The following ADAM32 variants were observed in gnomAD, a reference collection of about 807,000 sequenced individuals.
ADAM32 encodes ADAM metallopeptidase domain 32, also known as disintegrin and metalloproteinase domain-containing protein 32.
Under a neutral mutation model 114.9 loss-of-function variants are expected in ADAM32, and 89 were observed. That is an observed-to-expected ratio of 0.77 (90% CI 0.65 to 0.92). The LOEUF (loss-of-function observed/expected upper bound fraction) is 0.92, where lower values mean the gene tolerates loss of function less well. Among genes scored for constraint, ADAM32 ranks in the 40% least tolerant of loss-of-function variants. The pLI, the probability that ADAM32 is intolerant of heterozygous loss-of-function variation, is 0.00. For synonymous variants in ADAM32, 285 were observed against 307.5 expected, an observed-to-expected ratio of 0.93 and a Z score of 0.77; for missense variants, 870 against 932.8, an observed-to-expected ratio of 0.93 and a Z score of 0.88.
chr8:39,167,089 G>A (rs1407744577), intron 9 of ADAM32: 1 of 152,108 alleles, frequency 6.6e-6, no homozygotes, highest in Non-Finnish European at 1.5e-5. Context: ...TTGCTTTTGA[G>A]GTCTTTGTCG....
At chr8:39,273,474 A>G (rs1430135085) in intron 20 of ADAM32, among the ~76,000 whole-genome samples, 1 of 152,152 alleles carries the variant, frequency 6.6e-6, no homozygotes, top group Non-Finnish European at 1.5e-5. Flanking sequence ...TTGCAGTGAG[A>G]CAAGATCTCG....
At chr8:39,183,712 T>C (rs1471786499) in intron 10 of ADAM32, among the ~76,000 whole-genome samples, 4 of 152,220 alleles carry the variant, frequency 2.6e-5, no homozygotes, top group Admixed American at 6.5e-5. Flanking sequence ...CACAACTGAA[T>C]CTTTAGCCAG....
At chr8:39,278,234 C>G (rs1308599261) in intron 22 of ADAM32, among the ~76,000 whole-genome samples, 1 of 152,164 alleles carries the variant, frequency 6.6e-6, no homozygotes, top group Non-Finnish European at 1.5e-5. Context: ...GTCCAGCTGC[C>G]TCTCGTCTCT....
intron 11 of ADAM32, among the ~76,000 whole-genome samples, chr8:39,201,632 C>G (rs1807419228): frequency 6.6e-6 from 1 of 152,134 alleles, no homozygotes; most frequent in Non-Finnish European, 1.5e-5. Flanking sequence ...TTTCTCCTGC[C>G]TGATTGCCCT....
In ADAM32 at chr8:39,130,946, A is replaced by G; in HGVS notation, c.139-5711A>G. 4.8e-6 allele frequency: 2 copies of G among 415,506 alleles called. 1 individual carries two copies. The highest frequency in any genetic ancestry group is 3.5e-5 in the South Asian group (2 of 57,424). 25.7% of individuals were successfully genotyped at this position (415,506 alleles called of 1,614,324 possible). ...TCCCGGCATTTTGGGAGACTGAGGC[A>G]GGAGGATGTCTTTTTTTTTTTTTTT... On this transcript the variant is annotated intron_variant, in intron 2 of 24. Transcript: ENST00000379907.
Position 39,223,105 on chromosome 8 carries a change from TA to T in ADAM32, c.1394del (p.Asn465MetfsTer11). 1 of 1,594,420 alleles carries T rather than the reference TA, an allele frequency of 6.3e-7. No individual in the cohort carries two copies. Among genetic ancestry groups the T allele is most frequent in the South Asian group, 1.1e-5 (1 of 87,296 alleles). Reference sequence around the variant, plus strand: ...CTGAATGTGACATCGCTGAAAATTGTAATGGAACCTCACCAGAATGTGGTCC... The same window carrying T: ...CTGAATGTGACATCGCTGAAAATTGTATGGAACCTCACCAGAATGTGGTCC... ...HPECDIAENC[N>X]GTSPECGPDI... On this transcript the variant is annotated frameshift_variant, in exon 14 of 25. Coordinates refer to ENST00000379907, the MANE Select transcript of ADAM32 (RefSeq NM_145004.7). LOFTEE classifies it high-confidence loss of function.
rs771827902 is a variant in ADAM32, at chr8:39,151,548, A to C, written c.525A>C (p.Lys175Asn). The C allele has an allele frequency of 3.2e-6, 5 of 1,554,946 alleles. No individual in the cohort carries two copies. In the South Asian group the frequency reaches 6.3e-5, roughly 19 times the overall value. ...PMDDNIFISEKSEPAVPDLFP... is the reference protein window; with the variant it reads ...PMDDNIFISENSEPAVPDLFP... ...ATGACAACATTTTTATAAGTGAAAAAGTGAGTTGTATATGTTTTATTACTA... is the reference window on the plus strand; with the variant it reads ...ATGACAACATTTTTATAAGTGAAAACGTGAGTTGTATATGTTTTATTACTA... Residue 175 changes from lysine (K) to asparagine (N), a missense_variant and splice_region_variant, in exon 6 of 25, where the codon AAA (lysine) becomes AAC (asparagine). Coordinates refer to ENST00000379907, the MANE Select transcript of ADAM32 (RefSeq NM_145004.7).
chr8:39,140,520 A>G (rs898772204), intron 3 of ADAM32, among the ~76,000 whole-genome samples: 3 of 152,192 alleles, frequency 2.0e-5, no homozygotes, highest in African/African-American at 7.2e-5. Context: ...ATCGTGGTGA[A>G]TAAGCTTTTT....
intron 10 of ADAM32, among the ~76,000 whole-genome samples, chr8:39,185,044 A>G (rs541892891): frequency 1.7e-4 from 26 of 152,198 alleles, no homozygotes; most frequent in Admixed American, 2.6e-4. Context: ...CAGGTGGATC[A>G]CTTGAGGGTC....
chr8:39,181,220 T>C (rs916308893), intron 10 of ADAM32, among the ~76,000 whole-genome samples: 3 of 152,208 alleles, frequency 2.0e-5, no homozygotes, highest in African/African-American at 7.2e-5. Flanking sequence ...ACACTGCTTT[T>C]ATGAGCTGTA....
rs556174190 is a variant in ADAM32, at chr8:39,202,162, C to T, written c.1053-8982C>T. ...CTCATAAAATGAGTTAGGGAGGATA[C>T]CCTCTTTTTCTATTGATGGGAATAG... On this transcript the variant is annotated intron_variant, in intron 11 of 24. Transcript: ENST00000379907. Among the ~76,000 whole-genome samples, 87 of 152,280 alleles carry T rather than the reference C, an allele frequency of 5.7e-4. 2 individuals are homozygous for T. The South Asian group carries it at 0.017, about 29-fold the overall frequency.
chr8:39,137,770 CAA>C lies in ADAM32; in HGVS notation c.200+1066_200+1067del, dbSNP rs34189859. 1.8e-3 allele frequency among the ~76,000 whole-genome samples: 243 copies of C among 136,710 alleles called. 1 individual carries two copies. The highest frequency in any genetic ancestry group is 3.2e-3 in the East Asian group (15 of 4,688). The allele number at this position is 136,710 out of a possible 152,430, so 89.7% of individuals were successfully genotyped here. Reference sequence around the variant, plus strand: ...TGGGTGACAGAGTGAGACACTGTCTCAAAAAAAAAAAAAAAGGTGTAAACAAG... The same window carrying C: ...TGGGTGACAGAGTGAGACACTGTCTCAAAAAAAAAAAAAGGTGTAAACAAG... On this transcript the variant is annotated intron_variant, in intron 3 of 24. Transcript: ENST00000379907.
intron 12 of ADAM32, 56 bp downstream of exon 12, chr8:39,211,380 T>C: frequency 7.2e-7 from 1 of 1,379,550 alleles, no homozygotes; most frequent in Non-Finnish European, 9.5e-7. Flanking sequence ...AATTTATCTT[T>C]TTCATAAATG....
At chr8:39,207,410 C>A (rs1351729254) in intron 11 of ADAM32, among the ~76,000 whole-genome samples, 1 of 152,022 alleles carries the variant, frequency 6.6e-6, no homozygotes, top group Non-Finnish European at 1.5e-5. Context: ...TTTATTCATA[C>A]ATTTTAAAAA....
chr8:39,150,399 C>T (rs1803751577), intron 5 of ADAM32, among the ~76,000 whole-genome samples: 1 of 151,996 alleles, frequency 6.6e-6, no homozygotes, highest in South Asian at 2.1e-4. Flanking sequence ...TGTTACCCAC[C>T]ATGTGTTTTA....
In ADAM32 at chr8:39,158,532, A is replaced by C. The variant is rs1163666631; in HGVS notation, c.526-2365A>C. 9 of 336,260 alleles carry C rather than the reference A, an allele frequency of 2.7e-5. No individual in the cohort carries two copies. The Admixed American group carries it at 4.3e-4, about 16-fold the overall frequency. The allele number at this position is 336,260 out of a possible 1,614,324, so 20.8% of individuals were successfully genotyped here. ...TTGGGTCCTAGCCGGCCAGCTTCCCACACGATGTGTCATGCCAGCCTTGTA... is the reference window on the plus strand; with the variant it reads ...TTGGGTCCTAGCCGGCCAGCTTCCCCCACGATGTGTCATGCCAGCCTTGTA... On this transcript the variant is annotated intron_variant, in intron 6 of 24. Coordinates refer to ENST00000379907, the MANE Select transcript of ADAM32 (RefSeq NM_145004.7).
At chr8:39,180,885 G>A (rs1805834054) in intron 10 of ADAM32, among the ~76,000 whole-genome samples, 1 of 152,176 alleles carries the variant, frequency 6.6e-6, no homozygotes, top group Admixed American at 6.5e-5. Context: ...GGGTTTGTGA[G>A]TGCACCAATC....
At chr8:39,204,900 C>G (rs771749594) in intron 11 of ADAM32, among the ~76,000 whole-genome samples, 1 of 152,172 alleles carries the variant, frequency 6.6e-6, no homozygotes, top group Non-Finnish European at 1.5e-5. Flanking sequence ...CACTCCAGAC[C>G]CTGTTTGCCT....
At chr8:39,208,581 G>T (rs1808004309) in intron 11 of ADAM32, among the ~76,000 whole-genome samples, 1 of 152,054 alleles carries the variant, frequency 6.6e-6, no homozygotes, top group African/African-American at 2.4e-5. Context: ...CTTATGGTTT[G>T]GTGGTGATGA....
Sources: allele counts gnomAD v4.1 joint callset (sites outside exome capture counted in the v4.1 genomes callset), GRCh38; gene constraint gnomAD v4.1.1; transcripts MANE v1.5; gene names NCBI Gene and HGNC (gene_info 2026-07-23, HGNC 2026-07-21).